KIAA1217: variants seen among roughly 807,000 people sequenced by gnomAD.
KIAA1217 encodes the protein sickle tail protein homolog.
A neutral mutation model predicts 163.9 loss-of-function variants in KIAA1217; 88 were observed. The observed-to-expected ratio is 0.54, with a 90% CI of 0.45 to 0.64. The LOEUF (loss-of-function observed/expected upper bound fraction) is 0.64, where lower values mean the gene tolerates loss of function less well. Ranked by LOEUF, KIAA1217 falls within the 30% of genes least tolerant of loss-of-function variation. The probability of loss-of-function intolerance (pLI) is 0.00; values close to 1 mark genes in which losing one functional copy is unlikely to be tolerated. For missense variants in KIAA1217, 2,372 were observed against 2,475.0 expected, an observed-to-expected ratio of 0.96 and a Z score of 0.88; for synonymous variants, 903 against 923.1, an observed-to-expected ratio of 0.98 and a Z score of 0.39.
chr10:24,142,426 T>C (rs2064125712), intron 2 of KIAA1217, among the ~76,000 whole-genome samples: 1 of 151,966 alleles, frequency 6.6e-6, no homozygotes, highest in Admixed American at 6.6e-5. Flanking sequence ...TTGGTGTAGA[T>C]AAGATGGTTT....
chr10:23,832,952 A>G (rs1193421775), intron 1 of KIAA1217, among the ~76,000 whole-genome samples: 2 of 152,160 alleles, frequency 1.3e-5, no homozygotes, highest in Non-Finnish European at 2.9e-5. Flanking sequence ...CTTATTCACT[A>G]TCATGAGAAC....
At chr10:24,161,743 CATTG>C (rs753604554) in intron 2 of KIAA1217, among the ~76,000 whole-genome samples, 7 of 152,318 alleles carry the variant, frequency 4.6e-5, no homozygotes, top group Non-Finnish European at 8.8e-5. Context: ...TATTTGGTGA[CATTG>C]ATTAAGCCTC....
chr10:23,907,292 T>TGTGTGTGTGTG (rs1554822036), intron 1 of KIAA1217, among the ~76,000 whole-genome samples: 42 of 145,858 alleles, frequency 2.9e-4, no homozygotes, highest in Admixed American at 7.6e-4. Flanking sequence ...CCAATATGAT[T>TGTGTGTGTGTG]TGTGTGTGTG....
At chr10:24,454,954 ATTTTACT>A (rs1391456302) in intron 5 of KIAA1217, among the ~76,000 whole-genome samples, 3 of 152,072 alleles carry the variant, frequency 2.0e-5, no homozygotes, top group African/African-American at 7.2e-5. Flanking sequence ...TTTGTTGCAG[ATTTTACT>A]GTATATATTT....
intron 2 of KIAA1217, among the ~76,000 whole-genome samples, chr10:24,102,794 G>C (rs1259765645): frequency 6.6e-6 from 1 of 152,110 alleles, no homozygotes; most frequent in Non-Finnish European, 1.5e-5. Flanking sequence ...CAATACAATG[G>C]GTGATATGTT....
Position 24,466,725 on chromosome 10 carries a change from A to G in KIAA1217, c.847-6503A>G, listed in dbSNP as rs984968062. On this transcript the variant is annotated intron_variant, in intron 5 of 20. Transcript: ENST00000376454. ...AAGCCAGCAAACAAAGGAATCATGT[A>G]ATCAGGACCTGAGCGAATGTGCTTA... The G allele has an allele frequency of 8.4e-5, 83 of 985,454 alleles. No individual in the cohort carries two copies. The African/African-American group carries it at 1.4e-3, about 17-fold the overall frequency. The allele number at this position is 985,454 out of a possible 1,614,324, so 61.0% of individuals were successfully genotyped here.
chr10:24,046,640 AAAAC>A (rs1849048772), intron 2 of KIAA1217, among the ~76,000 whole-genome samples: 1 of 152,170 alleles, frequency 6.6e-6, no homozygotes, highest in African/African-American at 2.4e-5. Context: ...TATCACAAGA[AAAAC>A]AAGGGAGAAA....
intron 1 of KIAA1217, among the ~76,000 whole-genome samples, chr10:23,978,195 A>G (rs1370131431): frequency 6.6e-6 from 1 of 152,200 alleles, no homozygotes; most frequent in Non-Finnish European, 1.5e-5. Flanking sequence ...TCGGAGACCC[A>G]AGCTTAATAT....
intron 3 of KIAA1217, among the ~76,000 whole-genome samples, chr10:24,427,119 C>T (rs2059235759): frequency 6.6e-6 from 1 of 152,056 alleles, no homozygotes; most frequent in Non-Finnish European, 1.5e-5. Context: ...CTTCAGTGTT[C>T]AGGCTTCTCA....
chr10:23,766,598 T>A (rs1167641640), intron 1 of KIAA1217, among the ~76,000 whole-genome samples: 1 of 149,878 alleles, frequency 6.7e-6, no homozygotes. Context: ...TTTTTTCTTT[T>A]TTTTTTTTGA....
In KIAA1217 at chr10:24,425,017, A is replaced by T. The variant is rs141173791; in HGVS notation, c.554-7978A>T. Among the ~76,000 whole-genome samples, 517 of 152,330 alleles carry T rather than the reference A, an allele frequency of 3.4e-3. 1 individual carries two copies. The highest frequency in any genetic ancestry group is 0.012 in the African/African-American group (501 of 41,570). The stretch of plus-strand genomic sequence containing the variant: ...AATGTCAATGTCTTTCCCATTTCAG[A>T]TGCCAGTGTACATTCTACCAACTCT... On this transcript the variant is annotated intron_variant, in intron 3 of 20. Transcript: ENST00000376454.
At chr10:24,092,447 T>C (rs1163342162) in intron 2 of KIAA1217, among the ~76,000 whole-genome samples, 1 of 151,830 alleles carries the variant, frequency 6.6e-6, no homozygotes, top group Non-Finnish European at 1.5e-5. Flanking sequence ...ACAAAGCCTG[T>C]ATGCAAATGT....
chr10:23,845,177 G>C (rs911600903), intron 1 of KIAA1217, among the ~76,000 whole-genome samples: 1 of 152,146 alleles, frequency 6.6e-6, no homozygotes, highest in Non-Finnish European at 1.5e-5. Context: ...TTGCTATTGT[G>C]AACAGTGCTG....
chr10:23,821,136 T>TGTGTGA (rs1363561424), intron 1 of KIAA1217, among the ~76,000 whole-genome samples: 6 of 148,924 alleles, frequency 4.0e-5, no homozygotes, highest in African/African-American at 1.5e-4. Flanking sequence ...TGTGTGTGTG[T>TGTGTGA]GATACTAAGT....
At chr10:24,413,003 C>T (rs183909211) in intron 3 of KIAA1217, among the ~76,000 whole-genome samples, 3 of 152,308 alleles carry the variant, frequency 2.0e-5, no homozygotes, top group Non-Finnish European at 2.9e-5. Flanking sequence ...ACTCATCTTT[C>T]GATCTCATTT....
At chr10:24,100,004 A>AT (rs1423029609) in intron 2 of KIAA1217, among the ~76,000 whole-genome samples, 1 of 151,934 alleles carries the variant, frequency 6.6e-6, no homozygotes, top group Non-Finnish European at 1.5e-5. Flanking sequence ...ATTCCACCTG[A>AT]TAAGAGGTGG....
intron 1 of KIAA1217, among the ~76,000 whole-genome samples, chr10:23,858,653 G>A (rs375239176): frequency 6.6e-6 from 1 of 151,688 alleles, no homozygotes; most frequent in Non-Finnish European, 1.5e-5. Context: ...AGTCATAATC[G>A]GGCTCCCCAT....
intron 2 of KIAA1217, chr10:24,158,374 C>A: frequency 1.6e-6 from 1 of 640,848 alleles, no homozygotes; most frequent in South Asian, 1.4e-5. Context: ...CGGGTTTTCT[C>A]AAGCCTCTGC....
chr10:24,234,656 CAA>C (rs71397938), intron 2 of KIAA1217, among the ~76,000 whole-genome samples: 75 of 73,374 alleles, frequency 1.0e-3, no homozygotes, highest in African/African-American at 3.5e-3. Flanking sequence ...AAAACTGTCT[CAA>C]AAAAAAAAAA....
Sources: gnomAD v4.1 joint callset for allele counts (sites outside exome capture counted in the v4.1 genomes callset) on GRCh38, gnomAD v4.1.1 for gene constraint, MANE v1.5 for transcripts, NCBI Gene and HGNC (gene_info 2026-07-23, HGNC 2026-07-21) for gene names.